Variants in FAT4 observed in about 807,000 individuals in gnomAD.
The protein encoded by FAT4 is FAT atypical cadherin 4.
FAT4 carries 84 observed loss-of-function variants against 303.9 expected under a neutral mutation model. That is an observed-to-expected ratio of 0.28 (90% CI 0.23 to 0.33). The LOEUF is 0.33. Ranked by LOEUF, FAT4 falls within the 10% of genes least tolerant of loss-of-function variation. The pLI is 1.00. For missense variants in FAT4, 6,005 were observed against 6,146.8 expected, an observed-to-expected ratio of 0.98 and a Z score of 0.77; for synonymous variants, 2,307 against 2,298.8, an observed-to-expected ratio of 1.00 and a Z score of -0.10.
intron 16 of FAT4, among the ~76,000 whole-genome samples, chr4:125,484,626 T>C (rs1727345036): frequency 2.0e-5 from 3 of 152,156 alleles, no homozygotes; most frequent in East Asian, 1.9e-4. Context: ...GATTTCATTC[T>C]TGTGCAAACA....
In FAT4 at chr4:125,407,003, T is replaced by C. The variant is rs773604481; in HGVS notation, c.5431T>C (p.Ser1811Pro). 1 of 1,613,740 alleles carries C rather than the reference T, an allele frequency of 6.2e-7. No homozygotes were observed. Among genetic ancestry groups the C allele is most frequent in the African/African-American group, 1.3e-5 (1 of 74,894 alleles). The part of the protein sequence containing the change: ...RLDRERRSKY[S>P]LLVRADDGLQ... ...GGACAGGGAACGCCGCTCCAAATAT[T>C]CACTGCTAGTTCGTGCTGATGATGG... is the stretch of plus-strand genomic sequence containing the variant. The change falls in exon 4 of 18, where the codon TCA becomes CCA. Residue 1811 changes from serine to proline, a missense_variant. By Grantham distance (74) the Ser-to-Pro change is moderately conservative. Transcript: ENST00000394329.
intron 2 of FAT4, among the ~76,000 whole-genome samples, chr4:125,391,624 T>C (rs765484277): frequency 5.3e-5 from 8 of 152,288 alleles, no homozygotes; most frequent in Middle Eastern, 3.4e-3. Flanking sequence ...ATTCTGCCCA[T>C]GTATCCTGTT....
intron 8 of FAT4, among the ~76,000 whole-genome samples, chr4:125,436,292 A>G (rs559303666): frequency 5.9e-5 from 9 of 152,304 alleles, no homozygotes; most frequent in African/African-American, 1.9e-4. Flanking sequence ...TCATGATATG[A>G]TATCATTTAC....
At chr4:125,348,969 TA>T (rs995544759) in intron 2 of FAT4, among the ~76,000 whole-genome samples, 1 of 151,724 alleles carries the variant, frequency 6.6e-6, no homozygotes, top group Non-Finnish European at 1.5e-5. Flanking sequence ...GATTAGAAAC[TA>T]AAATAAATTG....
intron 12 of FAT4, among the ~76,000 whole-genome samples, chr4:125,472,148 A>T (rs191620545): frequency 2.0e-5 from 3 of 151,540 alleles, no homozygotes; most frequent in Admixed American, 6.6e-5. Context: ...GTAAAATGTT[A>T]AATTGTCTGT....
chr4:125,403,207 A>G (rs1461234256), intron 3 of FAT4, among the ~76,000 whole-genome samples: 2 of 152,096 alleles, frequency 1.3e-5, no homozygotes, highest in Non-Finnish European at 2.9e-5. Flanking sequence ...AACCTCCAAA[A>G]CAATCCTTTT....
intron 4 of FAT4, among the ~76,000 whole-genome samples, chr4:125,407,588 T>C (rs906197490): frequency 1.1e-4 from 16 of 152,108 alleles, no homozygotes; most frequent in Non-Finnish European, 1.6e-4. Flanking sequence ...ATCCTGTAAA[T>C]GGAAACAGTA....
chr4:125,335,394 G>A (rs1731533007), intron 2 of FAT4, among the ~76,000 whole-genome samples: 1 of 151,910 alleles, frequency 6.6e-6, no homozygotes. Context: ...AGGAGTAGAG[G>A]TGATTTTCTC....
chr4:125,418,211 A>T (rs1735147744), intron 7 of FAT4, among the ~76,000 whole-genome samples: 1 of 152,180 alleles, frequency 6.6e-6, no homozygotes, highest in Admixed American at 6.5e-5. Context: ...AAAATATCAA[A>T]GTGTTTCAAA....
chr4:125,367,494 G>A (rs950763188), intron 2 of FAT4, among the ~76,000 whole-genome samples: 1 of 152,060 alleles, frequency 6.6e-6, no homozygotes. Flanking sequence ...GTAAAGGACT[G>A]CGTATGTTTT....
chr4:125,350,333 A>AT (rs1343160712), intron 2 of FAT4, among the ~76,000 whole-genome samples: 2 of 151,704 alleles, frequency 1.3e-5, no homozygotes, highest in Non-Finnish European at 1.5e-5. Context: ...GAAACCATAG[A>AT]TTTTGGGTTG....
At chr4:125,428,526 G>C (rs1268602159) in intron 7 of FAT4, among the ~76,000 whole-genome samples, 1 of 152,174 alleles carries the variant, frequency 6.6e-6, no homozygotes, top group Non-Finnish European at 1.5e-5. Context: ...TCCCATGAGT[G>C]TGTGCATGTG....
At chr4:125,440,606 TGTGTGAGAGAGAGAGAGA>T (rs1725622194) in intron 8 of FAT4, among the ~76,000 whole-genome samples, 2 of 29,718 alleles carry the variant, frequency 6.7e-5, no homozygotes, top group African/African-American at 1.2e-4. Flanking sequence ...TGTGTGTGTG[TGTGTGAGAGAGAGAGAGA>T]GAGAGAGAGA....
chr4:125,425,308 T>C (rs1479591313), intron 7 of FAT4, among the ~76,000 whole-genome samples: 1 of 152,154 alleles, frequency 6.6e-6, no homozygotes, highest in Non-Finnish European at 1.5e-5. Context: ...TGTCAGTGAC[T>C]ACAGGATTTG....
intron 3 of FAT4, among the ~76,000 whole-genome samples, chr4:125,400,241 G>T (rs1323972725): frequency 6.6e-6 from 1 of 151,700 alleles, no homozygotes; most frequent in Non-Finnish European, 1.5e-5. Context: ...TATTCTAATG[G>T]GATGGCTATT....
In FAT4 at chr4:125,320,655, A is replaced by G. The variant is rs1730899887; in HGVS notation, c.4244A>G (p.Asp1415Gly). The change falls in exon 2 of 18, where the codon GAC becomes GGC. Residue 1415 changes from aspartate (D) to glycine (G), a missense_variant. Physicochemically the swap from Asp to Gly is moderately conservative, Grantham distance 94. Coordinates refer to ENST00000394329, the MANE Select transcript of FAT4 (RefSeq NM_001291303.3). ...GTTATTCACGTGAGGGACTTTAATG[A>G]CAATCCTCCTAGCTTTCCTCCTGGA... Reference protein sequence around the residue: ...SVVIHVRDFNDNPPSFPPGDI... With the variant: ...SVVIHVRDFNGNPPSFPPGDI... 1.9e-6 allele frequency: 3 copies of G among 1,613,932 alleles called. No individual in the cohort carries two copies. The highest frequency in any genetic ancestry group is 1.3e-5 in the African/African-American group (1 of 74,938).
intron 2 of FAT4, among the ~76,000 whole-genome samples, chr4:125,341,104 A>C (rs1731774859): frequency 6.6e-6 from 1 of 152,180 alleles, no homozygotes; most frequent in Admixed American, 6.5e-5. Flanking sequence ...TGAGAGCAAT[A>C]GTTTTTTATT....
In FAT4 at chr4:125,451,424, C is replaced by A. The variant is rs1403984745; in HGVS notation, c.10414C>A (p.Arg3472=). ...GATCACCGTTACTGCAGAATTAGAT[C>A]GAGAAACCCTTCCCATCTATAATCT... ...GQITVTAELD[R]ETLPIYNLSV... The change falls in exon 10 of 18, where the codon CGA becomes AGA. Residue 3472 remains arginine (R), a synonymous_variant. Coordinates refer to ENST00000394329, the MANE Select transcript of FAT4 (RefSeq NM_001291303.3). 6.2e-7 allele frequency: 1 copy of A among 1,614,090 alleles called. No homozygotes were observed. Among genetic ancestry groups the A allele is most frequent in the South Asian group, 1.1e-5 (1 of 91,078 alleles).
At position 125,408,710 on chromosome 4, in the gene FAT4, T is replaced by G; in HGVS notation, c.5836T>G (p.Leu1946Val). ...DVNDNPPIFSLNSYSTSLMEN... is the reference protein window; with the variant it reads ...DVNDNPPIFSVNSYSTSLMEN... Reference sequence around the variant, plus strand: ...AAATGATAATCCACCTATTTTCAGCTTGAATTCATACAGCACATCTTTAAT... The same window carrying G: ...AAATGATAATCCACCTATTTTCAGCGTGAATTCATACAGCACATCTTTAAT... Residue 1946 changes from leucine to valine, a missense_variant, in exon 5 of 18, where the codon TTG (leucine) becomes GTG (valine). Physicochemically the swap from Leu to Val is conservative, Grantham distance 32. Coordinates refer to ENST00000394329, the MANE Select transcript of FAT4 (RefSeq NM_001291303.3). The G allele has an allele frequency of 6.2e-7, 1 of 1,612,274 alleles. No individual in the cohort carries two copies. The highest frequency in any genetic ancestry group is 1.1e-5 in the South Asian group (1 of 91,002).
Sources: allele counts gnomAD v4.1 joint callset (sites outside exome capture counted in the v4.1 genomes callset), GRCh38; gene constraint gnomAD v4.1.1; transcripts MANE v1.5; gene names NCBI Gene and HGNC (gene_info 2026-07-23, HGNC 2026-07-21).